PTPRT: variants seen among roughly 807,000 people sequenced by gnomAD.
PTPRT encodes receptor-type tyrosine-protein phosphatase T.
Under a neutral mutation model 176.8 loss-of-function variants are expected in PTPRT, and 56 were observed. The ratio of observed to expected loss-of-function variants is 0.32; its 90% confidence interval spans 0.26 to 0.40. PTPRT has a LOEUF of 0.40. PTPRT is among the 10% of genes least tolerant of loss of function. PTPRT has a pLI of 1.00. For missense variants in PTPRT, 1,540 were observed against 1,908.2 expected (o/e 0.81, Z 3.60); for synonymous variants, 783 against 739.0 (o/e 1.06, Z -0.96).
At chr20:42,952,270 A>G (rs1157860823) in intron 1 of PTPRT, among the ~76,000 whole-genome samples, 1 of 152,238 alleles carries the variant, frequency 6.6e-6, no homozygotes, top group Non-Finnish European at 1.5e-5. Flanking sequence ...CAGTTGGCGC[A>G]ATCACCAAAA....
At chr20:42,601,956 G>T (rs538639272) in intron 7 of PTPRT, among the ~76,000 whole-genome samples, 6 of 152,094 alleles carry the variant, frequency 3.9e-5, no homozygotes, top group Non-Finnish European at 8.8e-5. Flanking sequence ...CCCTGGGTGT[G>T]AATAACAAGC....
intron 16 of PTPRT, among the ~76,000 whole-genome samples, chr20:42,182,220 T>A (rs1303497676): frequency 6.6e-6 from 1 of 152,204 alleles, no homozygotes; most frequent in Non-Finnish European, 1.5e-5. Context: ...TTACTTCATC[T>A]GGAGGGCAAT....
intron 24 of PTPRT, among the ~76,000 whole-genome samples, chr20:42,105,424 TCTC>T (rs1177483321): frequency 6.6e-6 from 1 of 152,190 alleles, no homozygotes; most frequent in African/African-American, 2.4e-5. Flanking sequence ...CCTGCTGTAC[TCTC>T]CTCCTGAAAC....
intron 16 of PTPRT, among the ~76,000 whole-genome samples, chr20:42,191,331 T>C (rs921037916): frequency 1.3e-5 from 2 of 152,204 alleles, no homozygotes; most frequent in Non-Finnish European, 2.9e-5. Context: ...GATTTCTACA[T>C]TAGGCAGTCA....
At chr20:42,916,346 T>C (rs1406346781) in intron 1 of PTPRT, among the ~76,000 whole-genome samples, 3 of 152,220 alleles carry the variant, frequency 2.0e-5, no homozygotes, top group Non-Finnish European at 2.9e-5. Context: ...TGCCACATTT[T>C]CTTAATCCAG....
intron 2 of PTPRT, among the ~76,000 whole-genome samples, chr20:42,833,972 C>A (rs766382798): frequency 7.2e-5 from 11 of 152,056 alleles, no homozygotes; most frequent in African/African-American, 1.2e-4. Context: ...AAATAAGACA[C>A]GTCTTAGTGT....
At chr20:42,769,501 G>A (rs2077032478) in intron 5 of PTPRT, among the ~76,000 whole-genome samples, 1 of 152,186 alleles carries the variant, frequency 6.6e-6, no homozygotes, top group Admixed American at 6.5e-5. Context: ...GGAGCAACTA[G>A]AACTTTCATA....
downstream of PTPRT, among the ~76,000 whole-genome samples, chr20:42,071,389 G>A (rs570884194): frequency 6.6e-6 from 1 of 152,260 alleles, no homozygotes; most frequent in African/African-American, 2.4e-5. Flanking sequence ...TTCCTTTTGG[G>A]CTCATATCTG....
chr20:42,113,578 C>T (rs1183789244), intron 22 of PTPRT, among the ~76,000 whole-genome samples: 1 of 152,238 alleles, frequency 6.6e-6, no homozygotes. Flanking sequence ...GCTTCCACGC[C>T]TTAAGGGGGA....
rs1312740759 is a variant in PTPRT at position 42,363,270 on chromosome 20, T to TTTTATATATATATATATATA, written c.1561-10986_1561-10985insTATATATATATATATATAAA. On this transcript the variant is annotated intron_variant, in intron 9 of 30. Coordinates refer to ENST00000373187, the MANE Select transcript of PTPRT (RefSeq NM_007050.6). Reference sequence around the variant, plus strand: ...ACATTCTTGCAGCAATTTATTACAATTATATATATATATATATATATATAT... The same window carrying TTTTATATATATATATATATA: ...ACATTCTTGCAGCAATTTATTACAATTTTATATATATATATATATATATATATATATATATATATATATAT... Among the ~76,000 whole-genome samples the TTTTATATATATATATATATA allele has an allele frequency of 5.3e-4, 16 of 30,380 alleles. 1 individual carries two copies. Among genetic ancestry groups the TTTTATATATATATATATATA allele is most frequent in the African/African-American group, 2.0e-3 (15 of 7,384 alleles). The allele number at this position is 30,380 out of a possible 152,430, so 19.9% of individuals were successfully genotyped here.
intron 1 of PTPRT, among the ~76,000 whole-genome samples, chr20:43,103,648 G>C (rs757981089): frequency 3.9e-5 from 6 of 152,052 alleles, no homozygotes; most frequent in Non-Finnish European, 7.4e-5. Context: ...TTAGGATGGA[G>C]AGCCAAATAA....
intron 2 of PTPRT, among the ~76,000 whole-genome samples, chr20:42,851,179 T>C (rs1014189634): frequency 6.6e-6 from 1 of 152,232 alleles, no homozygotes; most frequent in East Asian, 1.9e-4. Context: ...TTCTGTTCCC[T>C]GCACAGCTCA....
At chr20:42,707,815 C>A (rs1382806018) in intron 6 of PTPRT, among the ~76,000 whole-genome samples, 1 of 152,170 alleles carries the variant, frequency 6.6e-6, no homozygotes, top group Non-Finnish European at 1.5e-5. Context: ...GAGCTTGAAG[C>A]AGATTTTTAT....
At position 42,094,836 on chromosome 20, in the gene PTPRT, C is replaced by T. The variant is rs900166234; in HGVS notation, c.3846+3585G>A. 4.6e-5 allele frequency among the ~76,000 whole-genome samples: 7 copies of T among 152,088 alleles called. No homozygotes were observed. In the East Asian group the frequency reaches 7.7e-4, roughly 17 times the overall value. ...ACCCAGGAGGCGGCAGAGTTGAGAT[C>T]GCGCCACTGCACTCCAGCCTGGGCG... On this transcript the variant is annotated intron_variant, in intron 27 of 30. Transcript: ENST00000373187.
rs1027892945 is a variant in PTPRT at position 42,805,946 on chromosome 20, C to T, written c.215-14480G>A. Among the ~76,000 whole-genome samples, 5 of 151,928 alleles carry T rather than the reference C, an allele frequency of 3.3e-5. No homozygotes were observed. In the South Asian group the frequency reaches 8.3e-4, roughly 25 times the overall value. On this transcript the variant is annotated intron_variant, in intron 2 of 30. Coordinates refer to ENST00000373187, the MANE Select transcript of PTPRT (RefSeq NM_007050.6). ...CTGTCAAATCCTCTTTTTGAATATA[C>T]ACTTGGAAGGCAGGTAGATAGGTAT... is the stretch of plus-strand genomic sequence containing the variant.
chr20:42,444,960 T>C (rs2059349831), intron 9 of PTPRT, among the ~76,000 whole-genome samples: 1 of 152,182 alleles, frequency 6.6e-6, no homozygotes, highest in Non-Finnish European at 1.5e-5. Flanking sequence ...CAAGAGAACA[T>C]ACTCTCAATT....
intron 2 of PTPRT, among the ~76,000 whole-genome samples, chr20:42,881,724 CAAAAAAAAAAA>C (rs112191705): frequency 2.8e-3 from 101 of 36,714 alleles, no homozygotes; most frequent in Admixed American, 0.015. Context: ...CACTCTGTCT[CAAAAAAAAAAA>C]AAAAAAAAAA....
At chr20:42,815,211 T>C (rs1435845747) in intron 2 of PTPRT, among the ~76,000 whole-genome samples, 1 of 152,200 alleles carries the variant, frequency 6.6e-6, no homozygotes, top group Non-Finnish European at 1.5e-5. Context: ...AGCACGTTCA[T>C]TTGCAGAAGC....
At chr20:42,526,528 G>T (rs759591256) in intron 7 of PTPRT, among the ~76,000 whole-genome samples, 7 of 151,808 alleles carry the variant, frequency 4.6e-5, no homozygotes, top group Non-Finnish European at 1.0e-4. Flanking sequence ...ACATATTTTT[G>T]GTAGAAAAGA....
Sources: gnomAD v4.1 joint callset for allele counts (sites outside exome capture counted in the v4.1 genomes callset) on GRCh38, gnomAD v4.1.1 for gene constraint, MANE v1.5 for transcripts, NCBI Gene and HGNC (gene_info 2026-07-23, HGNC 2026-07-21) for gene names.